Variants in ZNF239 observed in about 807,000 individuals in gnomAD.
ZNF239 encodes zinc finger protein (C2H2) homologous to mouse MOK-2.
In ZNF239, 16 loss-of-function variants were observed where a neutral mutation model predicts 27.5. The observed-to-expected ratio is 0.58, with a 90% CI of 0.39 to 0.88. The LOEUF (loss-of-function observed/expected upper bound fraction) is 0.88, where lower values mean the gene tolerates loss of function less well. Ranked by LOEUF, ZNF239 falls within the 40% of genes least tolerant of loss-of-function variation. The pLI is 0.00. For synonymous variants in ZNF239, 199 were observed against 192.6 expected, an observed-to-expected ratio of 1.03 and a Z score of -0.27; for missense variants, 527 against 551.9, an observed-to-expected ratio of 0.95 and a Z score of 0.45.
Position 43,569,904 on chromosome 10 carries a change from T to G in ZNF239, c.-215-1883A>C, listed in dbSNP as rs192558097. The stretch of plus-strand genomic sequence containing the variant: ...AAATCTGGTTCCCTTCAGGGCTCTG[T>G]CTGATGAAGCAATGCTTCTTAAACT... On this transcript the variant is annotated intron_variant, in intron 2 of 3. Transcript: ENST00000374446. Among the ~76,000 whole-genome samples the G allele has an allele frequency of 7.4e-4, 112 of 152,306 alleles. 1 individual carries two copies. Among genetic ancestry groups the G allele is most frequent in the Middle Eastern group, 3.4e-3 (1 of 294 alleles).
chr10:43,564,675 G>A (rs567420087), intron 3 of ZNF239, among the ~76,000 whole-genome samples: 1 of 152,062 alleles, frequency 6.6e-6, no homozygotes, highest in Non-Finnish European at 1.5e-5. Flanking sequence ...GACTACAGGT[G>A]TATGCCACCA....
Position 43,556,732 on chromosome 10 carries a change from G to T in ZNF239, c.1348C>A (p.Gln450Lys). 6.2e-7 allele frequency: 1 copy of T among 1,613,884 alleles called. No individual in the cohort carries two copies. Among genetic ancestry groups the T allele is most frequent in the Non-Finnish European group, 8.5e-7 (1 of 1,179,844 alleles). Residue 450 changes from glutamine to lysine, a missense_variant, in exon 4 of 4, where the codon CAG (glutamine) becomes AAG (lysine). Coordinates refer to ENST00000374446, the MANE Select transcript of ZNF239 (RefSeq NM_001099282.2). ...FSQSSNLHIH[Q>K]RVHKKDPR is the part of the protein sequence containing the mutation. Reference sequence around the variant, plus strand: ...CGAGGATCTTTCTTGTGAACCCGCTGGTGGATGTGAAGGTTGGAGCTCTGG... The same window carrying T: ...CGAGGATCTTTCTTGTGAACCCGCTTGTGGATGTGAAGGTTGGAGCTCTGG...
chr10:43,556,804 T>TATG lies in ZNF239; in HGVS notation c.1273_1275dup (p.His425dup), dbSNP rs777778419. Reference sequence around the variant, plus strand: ...CTGCACTCATAGGGCTTCTCTCCAGTATGTACTCTCTGGTGGATGAGGAGT... The same window carrying TATG: ...CTGCACTCATAGGGCTTCTCTCCAGTATGATGTACTCTCTGGTGGATGAGGAGT... On this transcript the variant is annotated inframe_insertion, in exon 4 of 4. Coordinates refer to ENST00000374446, the MANE Select transcript of ZNF239 (RefSeq NM_001099282.2). The TATG allele has an allele frequency of 6.2e-7, 1 of 1,613,778 alleles. No individual in the cohort carries two copies. Among genetic ancestry groups the TATG allele is most frequent in the Non-Finnish European group, 8.5e-7 (1 of 1,179,972 alleles).
In ZNF239 at chr10:43,557,768, T is replaced by C. The variant is rs981188846; in HGVS notation, c.312A>G (p.Arg104=). 2.5e-6 allele frequency: 4 copies of C among 1,614,048 alleles called. No individual in the cohort carries two copies. The African/African-American group carries it at 5.3e-5, about 22-fold the overall frequency. Residue 104 remains arginine, a synonymous_variant, in exon 4 of 4, where the codon AGA becomes AGG. Coordinates refer to ENST00000374446, the MANE Select transcript of ZNF239 (RefSeq NM_001099282.2). The stretch of plus-strand genomic sequence containing the variant: ...AACAACTTTCCCCCTTTATCACTTT[T>C]CTCTCAGTGCTTTCTTCCATTACAA... ...RLFVMEESTE[R]KVIKGESCSE...
chr10:43,561,556 T>C (rs1837251364), intron 3 of ZNF239, among the ~76,000 whole-genome samples: 1 of 151,976 alleles, frequency 6.6e-6, no homozygotes, highest in South Asian at 2.1e-4. Flanking sequence ...GAGGAAAAAA[T>C]AGACACTCTT....
rs927470594 is a variant in ZNF239, at chr10:43,568,461, C to T, written c.-215-440G>A. The stretch of plus-strand genomic sequence containing the variant: ...TGTAATAACCATAATCGGGACTAGT[C>T]CACTACCTGGACCCCTCTACTCTTA... On this transcript the variant is annotated intron_variant, in intron 2 of 3. Transcript: ENST00000374446. The T allele has an allele frequency of 6.1e-6, 6 of 985,404 alleles. No individual in the cohort carries two copies. In the East Asian group the frequency reaches 6.8e-4, roughly 112 times the overall value. 61.0% of individuals were successfully genotyped at this position (985,404 alleles called of 1,614,324 possible).
chr10:43,563,438 T>C (rs1837410277), intron 3 of ZNF239, among the ~76,000 whole-genome samples: 1 of 152,210 alleles, frequency 6.6e-6, no homozygotes, highest in Non-Finnish European at 1.5e-5. Flanking sequence ...TAACACATAC[T>C]GCATAAAACA....
At chr10:43,560,696 T>A (rs1837174039) in intron 3 of ZNF239, among the ~76,000 whole-genome samples, 1 of 149,160 alleles carries the variant, frequency 6.7e-6, no homozygotes, top group Non-Finnish European at 1.5e-5. Context: ...ATCTGGATTC[T>A]TATTACCTCC....
chr10:43,566,754 A>C (rs887128230), intron 3 of ZNF239, among the ~76,000 whole-genome samples: 5 of 152,208 alleles, frequency 3.3e-5, no homozygotes, highest in Non-Finnish European at 5.9e-5. Context: ...TTGCCTGACC[A>C]ATCCCCTGTG....
chr10:43,557,538 T>A lies in ZNF239; in HGVS notation c.542A>T (p.His181Leu). The change falls in exon 4 of 4, where the codon CAT becomes CTT. Residue 181 changes from histidine (H) to leucine (L), a missense_variant. Physicochemically the swap from His to Leu is moderately conservative, Grantham distance 99 (BLOSUM62 -3). Coordinates refer to ENST00000374446, the MANE Select transcript of ZNF239 (RefSeq NM_001099282.2). ...GTTAAGTATTTTCCCACAGTTATTA[T>A]GGTCACAGGGTTTCTCCTCTGTATG... ...RAHTEEKPCDHNNCGKILNTS... is the reference protein window; with the variant it reads ...RAHTEEKPCDLNNCGKILNTS... The A allele has an allele frequency of 1.2e-6, 2 of 1,614,174 alleles. No individual in the cohort carries two copies. The highest frequency in any genetic ancestry group is 1.7e-6 in the Non-Finnish European group (2 of 1,180,026).
chr10:43,564,210 A>C (rs1380915008), intron 3 of ZNF239: 2 of 781,514 alleles, frequency 2.6e-6, no homozygotes, highest in African/African-American at 1.9e-5. Flanking sequence ...TCCGTAAGAC[A>C]CATACACAAC....
intron 3 of ZNF239, among the ~76,000 whole-genome samples, chr10:43,560,045 A>G (rs1837111176): frequency 6.6e-6 from 1 of 152,204 alleles, no homozygotes; most frequent in African/African-American, 2.4e-5. Flanking sequence ...ATAAAGTAAG[A>G]CATTTCCTAA....
intron 3 of ZNF239, among the ~76,000 whole-genome samples, chr10:43,562,369 T>TA (rs573997742): frequency 2.2e-4 from 33 of 152,344 alleles, no homozygotes; most frequent in African/African-American, 7.2e-4. Context: ...CATTCCAACT[T>TA]AGAGTTTTAC....
intron 3 of ZNF239, 71 bp from the exon 4 acceptor site, chr10:43,558,242 A>G: frequency 7.2e-7 from 1 of 1,380,050 alleles, no homozygotes; most frequent in Non-Finnish European, 9.6e-7. Flanking sequence ...AGAGTGCCTA[A>G]GGCCTGAAGT....
rs372016059 is a variant in ZNF239, at chr10:43,570,670, T to C, written c.-215-2649A>G. Reference sequence around the variant, plus strand: ...GATCCTGTCAATTCTGCCTCCTAAATTTCCCTCCAATGTGTTACCTCTTTT... The same window carrying C: ...GATCCTGTCAATTCTGCCTCCTAAACTTCCCTCCAATGTGTTACCTCTTTT... On this transcript the variant is annotated intron_variant, in intron 2 of 3. Transcript: ENST00000374446. 7.2e-6 allele frequency: 7 copies of C among 966,608 alleles called. No individual in the cohort carries two copies. In the East Asian group the frequency reaches 8.0e-4, roughly 111 times the overall value. The allele number at this position is 966,608 out of a possible 1,614,324, so 59.9% of individuals were successfully genotyped here. A position where few individuals can be genotyped will look rare whatever the true frequency, so the allele number is the denominator to read the frequency against.
In ZNF239 at chr10:43,558,093, A is replaced by G; in HGVS notation, c.-14T>C. The G allele has an allele frequency of 6.2e-7, 1 of 1,603,890 alleles. No homozygotes were observed. Among genetic ancestry groups the G allele is most frequent in the Non-Finnish European group, 8.5e-7 (1 of 1,173,910 alleles). ...TGTACTGGCCATGCCTTCCAAAACT[A>G]GCCAGGAGGAAAGCTCATGTAACAG... On this transcript the variant is annotated 5_prime_UTR_variant, in exon 4 of 4. An upstream open reading frame in the 5' UTR loses its in-frame stop. Transcript: ENST00000374446.
At chr10:43,558,300 T>C in intron 3 of ZNF239, 129 bp from the exon 4 acceptor site, 1 of 822,542 alleles carries the variant, frequency 1.2e-6, no homozygotes, top group Middle Eastern at 3.6e-4. Flanking sequence ...TCATGTCCTT[T>C]GGGTTAAGGT....
chr10:43,568,143 G>A lies in ZNF239; in HGVS notation c.-215-122C>T, dbSNP rs1837802605. ...GTATAGAAGAAGTTTGCAGCTCAGG[G>A]ATCTGAGTGAGCTAAGCCAAGTTTT... On this transcript the variant is annotated intron_variant, in intron 2 of 3. Coordinates refer to ENST00000374446, the MANE Select transcript of ZNF239 (RefSeq NM_001099282.2). 1.5e-5 allele frequency: 15 copies of A among 985,432 alleles called. No individual in the cohort carries two copies. The South Asian group carries it at 7.0e-4, about 46-fold the overall frequency. The allele number at this position is 985,432 out of a possible 1,614,324, so 61.0% of individuals were successfully genotyped here.
chr10:43,562,179 C>T (rs958192574), intron 3 of ZNF239, among the ~76,000 whole-genome samples: 2 of 152,086 alleles, frequency 1.3e-5, no homozygotes, highest in African/African-American at 4.8e-5. Flanking sequence ...TATTGATAAA[C>T]TGAGAAATAA....
Sources: gnomAD v4.1 joint callset for allele counts (sites outside exome capture counted in the v4.1 genomes callset) on GRCh38, gnomAD v4.1.1 for gene constraint, MANE v1.5 for transcripts, NCBI Gene and HGNC (gene_info 2026-07-23, HGNC 2026-07-21) for gene names.